The following WDR20 variants were observed in gnomAD, a reference collection of about 807,000 sequenced individuals.
The protein encoded by WDR20 is WD repeat domain 20, also known as WD repeat-containing protein 20.
WDR20 carries 3 observed loss-of-function variants against 38.7 expected under a neutral mutation model. The ratio of observed to expected loss-of-function variants is 0.08; its 90% CI spans 0.04 to 0.20. WDR20 has a LOEUF of 0.20. Among genes scored for constraint, WDR20 ranks in the 10% least tolerant of loss-of-function variants. The probability of loss-of-function intolerance (pLI) is 1.00; values close to 1 mark genes in which losing one functional copy is unlikely to be tolerated. For synonymous variants in WDR20, 298 were observed against 285.6 expected (o/e 1.04, Z -0.44); for missense variants, 559 against 727.7 (o/e 0.77, Z 2.67).
intron 1 of WDR20, among the ~76,000 whole-genome samples, chr14:102,173,466 TATTATTATTATTA>T (rs2061415770): frequency 7.1e-6 from 1 of 141,112 alleles, no homozygotes; most frequent in Non-Finnish European, 1.5e-5. Flanking sequence ...TTATTATTAT[TATTATTATTATTA>T]TTTTTATCAA....
chr14:102,154,437 T>C (rs2056890734), intron 1 of WDR20, among the ~76,000 whole-genome samples: 1 of 152,126 alleles, frequency 6.6e-6, no homozygotes, highest in Admixed American at 6.6e-5. Context: ...GTCCCATCCA[T>C]GGGAGCCACA....
chr14:102,145,518 G>T (rs183747233), intron 1 of WDR20, among the ~76,000 whole-genome samples: 209 of 152,278 alleles, frequency 1.4e-3, no homozygotes, highest in Admixed American at 2.6e-3. Context: ...ACACTTTTGG[G>T]AGGCCAAGGC....
intron 1 of WDR20, among the ~76,000 whole-genome samples, chr14:102,190,974 C>G (rs935205751): frequency 1.3e-5 from 2 of 148,954 alleles, no homozygotes; most frequent in Admixed American, 6.7e-5. Flanking sequence ...GCACTGTAGC[C>G]TTGGCAACAG....
intron 2 of WDR20, chr14:102,198,027 G>A (rs1176783188): frequency 4.4e-6 from 2 of 456,098 alleles, no homozygotes; most frequent in Non-Finnish European, 3.9e-6. Context: ...GGTGACCACA[G>A]ATGGTGACAC....
At chr14:102,146,623 G>A (rs969908446) in intron 1 of WDR20, among the ~76,000 whole-genome samples, 2 of 152,176 alleles carry the variant, frequency 1.3e-5, no homozygotes, top group African/African-American at 2.4e-5. Flanking sequence ...TATGGGAAAT[G>A]TTCTGTCTCT....
rs772866138 is a variant in WDR20 at position 102,209,488 on chromosome 14, G to C, written c.1318G>C (p.Val440Leu). Residue 440 changes from valine to leucine, a missense_variant, in exon 3 of 3, where the codon GTC becomes CTC. Transcript: ENST00000342702. This position sits in a 1 kb window ranked among gnomAD's most constrained non-coding sequence, Gnocchi z 6.0. The stretch of plus-strand genomic sequence containing the variant: ...GTCCAACAGCCTTCCACATTCAGCA[G>C]TCTCAAATGCTGGCAGCAAAAGCAG... Reference protein sequence around the residue: ...PRSNSLPHSAVSNAGSKSSVM... With the variant: ...PRSNSLPHSALSNAGSKSSVM... 1.5e-5 allele frequency: 24 copies of C among 1,614,196 alleles called. No individual in the cohort carries two copies. The highest frequency in any genetic ancestry group is 2.0e-5 in the Non-Finnish European group (24 of 1,180,038).
upstream of WDR20, chr14:102,139,792 C>A: frequency 7.3e-7 from 1 of 1,375,550 alleles, no homozygotes; most frequent in Non-Finnish European, 9.9e-7. Context: ...CCCGCCCTCG[C>A]AGGGCTGGCC....
chr14:102,215,294 G>C (rs1236982147), downstream of WDR20, among the ~76,000 whole-genome samples: 1 of 152,170 alleles, frequency 6.6e-6, no homozygotes, highest in East Asian at 1.9e-4. Flanking sequence ...CTGTGTAGAG[G>C]CTTCTGTTTA....
At chr14:102,148,086 G>A (rs2054326984) in intron 1 of WDR20, among the ~76,000 whole-genome samples, 1 of 152,162 alleles carries the variant, frequency 6.6e-6, no homozygotes, top group Admixed American at 6.5e-5. Flanking sequence ...TAGTATCTCA[G>A]AGAATAATTC....
At chr14:102,200,485 G>T (rs1459746334) in intron 2 of WDR20, among the ~76,000 whole-genome samples, 3 of 121,270 alleles carry the variant, frequency 2.5e-5, no homozygotes, top group Non-Finnish European at 5.0e-5. Context: ...GTGTGTGTGT[G>T]TGTGTGTGTG....
intron 1 of WDR20, among the ~76,000 whole-genome samples, chr14:102,170,192 T>A (rs925333312): frequency 6.6e-6 from 1 of 152,248 alleles, no homozygotes; most frequent in African/African-American, 2.4e-5. Context: ...TAAAAGCATC[T>A]TTAATGCCTG....
At chr14:102,153,240 GCT>G (rs1156641815) in intron 1 of WDR20, among the ~76,000 whole-genome samples, 5 of 151,908 alleles carry the variant, frequency 3.3e-5, no homozygotes, top group Admixed American at 3.3e-4. Flanking sequence ...CTCACTAGAA[GCT>G]GAGTAGATGG....
At chr14:102,184,253 G>A (rs1031774190) in intron 1 of WDR20, among the ~76,000 whole-genome samples, 1 of 152,160 alleles carries the variant, frequency 6.6e-6, no homozygotes, top group Non-Finnish European at 1.5e-5. Flanking sequence ...AGCCATTTGT[G>A]GTGACTTGCC....
downstream of WDR20, among the ~76,000 whole-genome samples, chr14:102,211,525 G>C (rs2062531269): frequency 6.6e-6 from 1 of 152,196 alleles, no homozygotes; most frequent in African/African-American, 2.4e-5. The surrounding 1 kb of genome is among the most constrained non-coding windows in gnomAD (Gnocchi z 4.2). Flanking sequence ...CTGCCACCTG[G>C]GAACCACAGC....
At chr14:102,211,577 C>G (rs1361084137), downstream of WDR20, among the ~76,000 whole-genome samples, 1 of 152,234 alleles carries the variant, frequency 6.6e-6, no homozygotes, top group Non-Finnish European at 1.5e-5. The surrounding 1 kb of genome is among the most constrained non-coding windows in gnomAD (Gnocchi z 4.2). Context: ...TTTCACATCC[C>G]TGAGCACTGC....
At chr14:102,217,729 G>A (rs921833599), downstream of WDR20, among the ~76,000 whole-genome samples, 1 of 152,358 alleles carries the variant, frequency 6.6e-6, no homozygotes, top group South Asian at 2.1e-4. Flanking sequence ...CCTTTCTGTT[G>A]TGGTCTGTGT....
intron 1 of WDR20, among the ~76,000 whole-genome samples, chr14:102,193,972 CCTT>C (rs775413356): frequency 1.3e-5 from 2 of 152,178 alleles, no homozygotes; most frequent in Non-Finnish European, 2.9e-5. Flanking sequence ...AGAAAAGAAT[CCTT>C]CTTGAAAGTG....
chr14:102,162,181 CAT>C (rs2058885580), intron 1 of WDR20, among the ~76,000 whole-genome samples: 1 of 152,208 alleles, frequency 6.6e-6, no homozygotes, highest in Non-Finnish European at 1.5e-5. Context: ...ATGTAATAGA[CAT>C]AGTTCTTTTC....
intron 1 of WDR20, among the ~76,000 whole-genome samples, chr14:102,166,738 T>C (rs2059860859): frequency 6.6e-6 from 1 of 152,262 alleles, no homozygotes; most frequent in Non-Finnish European, 1.5e-5. Flanking sequence ...TTGCATGGAA[T>C]GTCTTTATAT....
Sources: gnomAD v4.1 joint callset for allele counts (sites outside exome capture counted in the v4.1 genomes callset) on GRCh38, gnomAD v4.1.1 for gene constraint, Gnocchi (gnomAD v3.1) non-coding constraint, MANE v1.5 for transcripts, NCBI Gene and HGNC (gene_info 2026-07-23, HGNC 2026-07-21) for gene names.